The following EIF1 variants were observed in gnomAD, a reference collection of about 807,000 sequenced individuals.
EIF1 encodes the protein eukaryotic translation initiation factor 1.
Under a neutral mutation model 13.7 loss-of-function variants are expected in EIF1, and 4 were observed. That is an observed-to-expected ratio of 0.29 (90% CI 0.14 to 0.67). EIF1 has a LOEUF of 0.67. EIF1 is among the 30% of genes least tolerant of loss of function. EIF1 has a pLI of 0.77. For missense variants in EIF1, 64 were observed against 138.0 expected (o/e 0.46, Z 2.69); for synonymous variants, 67 against 50.7 (o/e 1.32, Z -1.37).
At position 41,691,052 on chromosome 17, in the gene EIF1, C is replaced by CT; in HGVS notation, c.*227dup. ...TAAACAGAGGTCAAGCAATAGGCGC[C>CT]TGGCAGTGTCAAGCCTGAAACCAAG... On this transcript the variant is annotated 3_prime_UTR_variant, in exon 4 of 4. Transcript: ENST00000469257. 1 of 575,820 alleles carries CT rather than the reference C, an allele frequency of 1.7e-6. No homozygotes were observed. Among genetic ancestry groups the CT allele is most frequent in the Non-Finnish European group, 3.1e-6 (1 of 322,274 alleles). 35.7% of individuals were successfully genotyped at this position (575,820 alleles called of 1,614,324 possible).
Position 41,688,933 on chromosome 17 carries a change from G to T in EIF1, c.-106G>T, listed in dbSNP as rs897303373. 239 of 1,180,616 alleles carry T rather than the reference G, an allele frequency of 2.0e-4. 1 individual carries two copies. The highest frequency in any genetic ancestry group is 4.7e-4 in the Admixed American group (24 of 51,598). 73.1% of individuals were successfully genotyped at this position (1,180,616 alleles called of 1,614,324 possible). ...GAGGATTCAGCAGCCTCCCCCTTGA[G>T]CCCCCTCGCTTCCCGACGTTCCGTT... On this transcript the variant is annotated 5_prime_UTR_variant, in exon 1 of 4. Transcript: ENST00000469257.
rs1278571263 is a variant in EIF1 at position 41,691,339 on chromosome 17, A to G, written c.*513A>G. On this transcript the variant is annotated 3_prime_UTR_variant, in exon 4 of 4. Coordinates refer to ENST00000469257, the MANE Select transcript of EIF1 (RefSeq NM_005801.4). ...AGCTCAAAGAGGCCCTCTTACCGCT[A>G]GCGAGGTGATAGGACATCTGGCTTG... 5.2e-6 allele frequency: 1 copy of G among 191,884 alleles called. No homozygotes were observed. Among genetic ancestry groups the G allele is most frequent in the Non-Finnish European group, 1.1e-5 (1 of 94,520 alleles). 11.9% of individuals were successfully genotyped at this position (191,884 alleles called of 1,614,324 possible). A position where few individuals can be genotyped will look rare whatever the true frequency, so the allele number is the denominator to read the frequency against.
At chr17:41,689,374 T>G in intron 1 of EIF1, 3 of 543,278 alleles carry the variant, frequency 5.5e-6, no homozygotes, top group Non-Finnish European at 9.8e-6. Flanking sequence ...GTCACGTCCG[T>G]TACGTCACCA....
At position 41,689,214 on chromosome 17, in the gene EIF1, C is replaced by G. The variant is rs1910290340; in HGVS notation, c.31+145C>G. 1.4e-5 allele frequency: 13 copies of G among 959,888 alleles called. No homozygotes were observed. In the Admixed American group the frequency reaches 2.4e-4, roughly 18 times the overall value. The allele number at this position is 959,888 out of a possible 1,614,324, so 59.5% of individuals were successfully genotyped here. A position where few individuals can be genotyped will look rare whatever the true frequency, so the allele number is the denominator to read the frequency against. On this transcript the variant is annotated intron_variant, in intron 1 of 3. Coordinates refer to ENST00000469257, the MANE Select transcript of EIF1 (RefSeq NM_005801.4). ...GACCAGGGTCGCAGGGCAGCGGGATCAAGGCCTGGGCCCCGGGGTCGGACC... is the reference window on the plus strand; with the variant it reads ...GACCAGGGTCGCAGGGCAGCGGGATGAAGGCCTGGGCCCCGGGGTCGGACC...
At position 41,691,288 on chromosome 17, in the gene EIF1, T is replaced by C; in HGVS notation, c.*462T>C. 1 of 254,444 alleles carries C rather than the reference T, an allele frequency of 3.9e-6. No individual in the cohort carries two copies. The highest frequency in any genetic ancestry group is 7.4e-6 in the Non-Finnish European group (1 of 134,556). 15.8% of individuals were successfully genotyped at this position (254,444 alleles called of 1,614,324 possible). ...GAGCTTTTGGTGGTAGATCCCCTGG[T>C]GTCTCCAACCTGACTAGGTGGACAG... On this transcript the variant is annotated 3_prime_UTR_variant, in exon 4 of 4. Coordinates refer to ENST00000469257, the MANE Select transcript of EIF1 (RefSeq NM_005801.4).
intron 3 of EIF1, 100 bp downstream of exon 3, chr17:41,690,289 T>A: frequency 4.3e-6 from 4 of 923,984 alleles, no homozygotes; most frequent in Non-Finnish European, 1.7e-6. Context: ...TTTGTAAGGC[T>A]GAGCAAAACC....
chr17:41,689,664 A>C lies in EIF1; in HGVS notation c.32-114A>C, dbSNP rs942381797. 46 of 1,115,688 alleles carry C rather than the reference A, an allele frequency of 4.1e-5. No individual in the cohort carries two copies. In the South Asian group the frequency reaches 7.1e-4, roughly 17 times the overall value. 69.1% of individuals were successfully genotyped at this position (1,115,688 alleles called of 1,614,324 possible). Reference sequence around the variant, plus strand: ...CAAAGGACACATTCGGCCTGGCCCAAGCCCTGACGATTTCAGTGTTGTTTT... The same window carrying C: ...CAAAGGACACATTCGGCCTGGCCCACGCCCTGACGATTTCAGTGTTGTTTT... On this transcript the variant is annotated intron_variant, in intron 1 of 3. Transcript: ENST00000469257.
intron 3 of EIF1, 86 bp downstream of exon 3, chr17:41,690,275 T>G: frequency 7.9e-7 from 1 of 1,261,810 alleles, no homozygotes. Context: ...ACATAAAAGT[T>G]GGCTTTGTAA....
In EIF1 at chr17:41,691,395, T is replaced by C. The variant is rs114491415; in HGVS notation, c.*569T>C. ...AAGGTCTGTTCGACCAGACATATCC[T>C]AGCTAAGGGATGTCCAAACATCAGA... On this transcript the variant is annotated 3_prime_UTR_variant, in exon 4 of 4. Coordinates refer to ENST00000469257, the MANE Select transcript of EIF1 (RefSeq NM_005801.4). The C allele has an allele frequency of 1.1e-3, 183 of 160,044 alleles. 1 individual carries two copies. Among genetic ancestry groups the C allele is most frequent in the African/African-American group, 4.3e-3 (179 of 41,820 alleles). 9.9% of individuals were successfully genotyped at this position (160,044 alleles called of 1,614,324 possible). A position where few individuals can be genotyped will look rare whatever the true frequency, so the allele number is the denominator to read the frequency against.
Position 41,689,085 on chromosome 17 carries a change from G to C in EIF1, c.31+16G>C. The C allele has an allele frequency of 6.2e-7, 1 of 1,613,564 alleles. No individual in the cohort carries two copies. Among genetic ancestry groups the C allele is most frequent in the Non-Finnish European group, 8.5e-7 (1 of 1,179,852 alleles). Reference sequence around the variant, plus strand: ...CACTCTTTCGGTAAGCTATGGGAAAGGTCGCGGGCCCGGGTGGGGCAGCGG... The same window carrying C: ...CACTCTTTCGGTAAGCTATGGGAAACGTCGCGGGCCCGGGTGGGGCAGCGG... On this transcript the variant is annotated intron_variant, in intron 1 of 3. Transcript: ENST00000469257.
At chr17:41,690,545 T>G (rs1297839879) in intron 3 of EIF1, 1 of 575,326 alleles carries the variant, frequency 1.7e-6, no homozygotes, top group East Asian at 2.8e-5. Context: ...GCTCTTGATA[T>G]AATTGAAGAG....
At position 41,688,969 on chromosome 17, in the gene EIF1, C is replaced by T. The variant is rs1452780495; in HGVS notation, c.-70C>T. 1.3e-6 allele frequency: 2 copies of T among 1,546,694 alleles called. No homozygotes were observed. Among genetic ancestry groups the T allele is most frequent in the Non-Finnish European group, 1.8e-6 (2 of 1,124,114 alleles). On this transcript the variant is annotated 5_prime_UTR_variant, in exon 1 of 4. Transcript: ENST00000469257. Reference sequence around the variant, plus strand: ...TCCCGACGTTCCGTTCCCCCCTGCCCGCCTTCTCCCGCCACCGCCGCCGCC... The same window carrying T: ...TCCCGACGTTCCGTTCCCCCCTGCCTGCCTTCTCCCGCCACCGCCGCCGCC...
In EIF1 at chr17:41,689,114, CT is replaced by C. The variant is rs775743132; in HGVS notation, c.31+47del. The C allele has an allele frequency of 1.6e-5, 25 of 1,607,170 alleles. No homozygotes were observed. In the South Asian group the frequency reaches 2.6e-4, roughly 17 times the overall value. ...GCGGGCCCGGGTGGGGCAGCGGGGC[CT>C]TCCGGGCCCGGAGACGTGTTCCGGG... On this transcript the variant is annotated intron_variant, in intron 1 of 3. Transcript: ENST00000469257.
At chr17:41,689,293 G>C (rs1910293407) in intron 1 of EIF1, 2 of 605,334 alleles carry the variant, frequency 3.3e-6, no homozygotes, top group East Asian at 2.8e-5. Flanking sequence ...CGGGCCCGGC[G>C]TCTCAGTGGC....
rs1910402032 is a variant in EIF1 at position 41,692,229 on chromosome 17, G to A, written c.*1403G>A. ...TTGGTTTAAGGGCGCAGAGTGGAGA[G>A]TAAATGCAAGGGCTATAACAAGGGC... On this transcript the variant is annotated 3_prime_UTR_variant, in exon 4 of 4. Coordinates refer to ENST00000469257, the MANE Select transcript of EIF1 (RefSeq NM_005801.4). 1 of 152,366 alleles carries A rather than the reference G, an allele frequency of 6.6e-6. No individual in the cohort carries two copies. Among genetic ancestry groups the A allele is most frequent in the Non-Finnish European group, 1.5e-5 (1 of 68,052 alleles). 9.4% of individuals were successfully genotyped at this position (152,366 alleles called of 1,614,324 possible).
At chr17:41,689,607 C>T (rs1910310485) in intron 1 of EIF1, 171 bp from the exon 2 acceptor site, 5 of 579,774 alleles carry the variant, frequency 8.6e-6, no homozygotes, top group Admixed American at 3.7e-5. Context: ...GGAAGCTGGC[C>T]GTCCCGGACT....
At position 41,689,439 on chromosome 17, in the gene EIF1, G is replaced by T. The variant is rs909031699; in HGVS notation, c.32-339G>T. 1.0e-5 allele frequency: 5 copies of T among 483,674 alleles called. No individual in the cohort carries two copies. In the Admixed American group the frequency reaches 1.6e-4, roughly 15 times the overall value. 30.0% of individuals were successfully genotyped at this position (483,674 alleles called of 1,614,324 possible). On this transcript the variant is annotated intron_variant, in intron 1 of 3. Transcript: ENST00000469257. ...GGTGCCAGCCCTAAGTGGCAAGCGG[G>T]TGCACCAATGGGGGTGGGAGGCTTA...
chr17:41,690,390 A>T, intron 3 of EIF1: 1 of 577,000 alleles, frequency 1.7e-6, no homozygotes, highest in Non-Finnish European at 3.0e-6. Flanking sequence ...GTTTCTGTGG[A>T]TCTACTTCAC....
intron 3 of EIF1, 188 bp from the exon 4 acceptor site, chr17:41,690,594 C>A: frequency 1.6e-6 from 1 of 607,010 alleles, no homozygotes; most frequent in Non-Finnish European, 3.0e-6. Context: ...CACACTAATT[C>A]AGAACCTTGG....
Sources: gnomAD v4.1 joint callset for allele counts on GRCh38, gnomAD v4.1.1 for gene constraint, MANE v1.5 for transcripts, NCBI Gene and HGNC (gene_info 2026-07-23, HGNC 2026-07-21) for gene names.